RAB28: variants seen among roughly 807,000 people sequenced by gnomAD.
RAB28 encodes the protein RAB28, member RAS oncogene family, also known as ras-related protein Rab-28.
In RAB28, 24 loss-of-function variants were observed where a neutral mutation model predicts 31.7. That is an observed-to-expected ratio of 0.76 (90% CI 0.55 to 1.06). RAB28 has a LOEUF of 1.06. Ranked by LOEUF, RAB28 falls within the 50% of genes least tolerant of loss-of-function variation. The pLI is 0.00. For missense variants in RAB28, 254 were observed against 258.5 expected (o/e 0.98, Z 0.12); for synonymous variants, 100 against 90.4 (o/e 1.11, Z -0.60).
At chr4:13,460,565 A>G in intron 4 of RAB28, 134 bp downstream of exon 4, 3 of 1,135,050 alleles carry the variant, frequency 2.6e-6, no homozygotes, top group Non-Finnish European at 3.8e-6. Context: ...ACCTCCCAAA[A>G]CCCCACCTCC....
At chr4:13,412,557 A>C (rs1030640797) in intron 4 of RAB28, among the ~76,000 whole-genome samples, 2 of 152,168 alleles carry the variant, frequency 1.3e-5, no homozygotes. Context: ...AGGAGAGAGA[A>C]GTAGGGAAGA....
chr4:13,436,910 A>C (rs903329752), intron 4 of RAB28, among the ~76,000 whole-genome samples: 1 of 152,164 alleles, frequency 6.6e-6, no homozygotes, highest in African/African-American at 2.4e-5. Context: ...AGCCAAAGTA[A>C]TCATAAGCAA....
chr4:13,484,296 G>A lies in RAB28; in HGVS notation c.-146C>T. The A allele has an allele frequency of 4.6e-6, 3 of 649,394 alleles. No homozygotes were observed. Among genetic ancestry groups the A allele is most frequent in the Admixed American group, 4.7e-5 (2 of 42,880 alleles). 40.2% of individuals were successfully genotyped at this position (649,394 alleles called of 1,614,324 possible). ...CGCGCCGGCAGGAGGTATTCGAGGA[G>A]AATCACTCGGCAAGCGCCATCTTGC... On this transcript the variant is annotated 5_prime_UTR_variant, in exon 1 of 7. Transcript: ENST00000330852.
intron 4 of RAB28, among the ~76,000 whole-genome samples, chr4:13,420,469 G>A (rs1393068086): frequency 6.6e-6 from 1 of 152,088 alleles, no homozygotes; most frequent in Non-Finnish European, 1.5e-5. Flanking sequence ...GACAATTTTA[G>A]ACCAATATCC....
At chr4:13,462,078 A>G (rs1452042756) in intron 3 of RAB28, among the ~76,000 whole-genome samples, 1 of 152,230 alleles carries the variant, frequency 6.6e-6, no homozygotes, top group Non-Finnish European at 1.5e-5. Flanking sequence ...CTACGGATTT[A>G]AGTTCCAAAC....
chr4:13,370,737 C>T, intron 6 of RAB28: 1 of 984,836 alleles, frequency 1.0e-6, no homozygotes, highest in Non-Finnish European at 1.2e-6. Flanking sequence ...AAATTCCATA[C>T]AGAAACAAAC....
chr4:13,480,108 A>T (rs1716543766), intron 1 of RAB28, among the ~76,000 whole-genome samples: 1 of 151,792 alleles, frequency 6.6e-6, no homozygotes, highest in South Asian at 2.1e-4. Flanking sequence ...ACGTATTTTT[A>T]AGATTAATAT....
chr4:13,441,318 G>C (rs1714402850), intron 4 of RAB28, among the ~76,000 whole-genome samples: 1 of 152,070 alleles, frequency 6.6e-6, no homozygotes, highest in Non-Finnish European at 1.5e-5. Context: ...GCATCCTAAA[G>C]AATCACTCGA....
intron 6 of RAB28, chr4:13,369,934 G>C (rs372883609): frequency 1.2e-6 from 2 of 1,611,632 alleles, no homozygotes; most frequent in South Asian, 1.1e-5. Context: ...TTCTTCTTCC[G>C]GGTACTTCAC....
At chr4:13,444,104 T>C (rs1714567486) in intron 4 of RAB28, among the ~76,000 whole-genome samples, 1 of 151,508 alleles carries the variant, frequency 6.6e-6, no homozygotes, top group African/African-American at 2.4e-5. Flanking sequence ...CTCGGCTCAC[T>C]GCAAGCTCCG....
At chr4:13,406,362 T>C (rs1712086175) in intron 4 of RAB28, among the ~76,000 whole-genome samples, 1 of 152,216 alleles carries the variant, frequency 6.6e-6, no homozygotes, top group Non-Finnish European at 1.5e-5. Flanking sequence ...TAGTATTCCA[T>C]GGTGTATATA....
chr4:13,414,298 T>C (rs755151627), intron 4 of RAB28, among the ~76,000 whole-genome samples: 3 of 152,198 alleles, frequency 2.0e-5, no homozygotes, highest in Admixed American at 6.5e-5. Flanking sequence ...CATTGTTTAA[T>C]TGAAGATCAG....
chr4:13,454,625 G>A (rs1252226762), intron 4 of RAB28, among the ~76,000 whole-genome samples: 1 of 151,482 alleles, frequency 6.6e-6, no homozygotes, highest in African/African-American at 2.4e-5. Context: ...TGAGTAGCTC[G>A]GTGGCCAAGG....
At chr4:13,442,618 T>C (rs1320033759) in intron 4 of RAB28, among the ~76,000 whole-genome samples, 1 of 151,956 alleles carries the variant, frequency 6.6e-6, no homozygotes, top group Non-Finnish European at 1.5e-5. Context: ...TATTTTTAAA[T>C]CTTTATATTA....
intron 4 of RAB28, among the ~76,000 whole-genome samples, chr4:13,430,730 C>T (rs1713764089): frequency 6.6e-6 from 1 of 152,100 alleles, no homozygotes; most frequent in Non-Finnish European, 1.5e-5. Flanking sequence ...CCAGATGCAC[C>T]ACAAATACAC....
intron 1 of RAB28, among the ~76,000 whole-genome samples, chr4:13,483,664 G>A (rs1216758113): frequency 2.6e-5 from 4 of 152,320 alleles, no homozygotes; most frequent in South Asian, 4.1e-4. Context: ...TGATTCCAGA[G>A]CTACGCTCCT....
intron 4 of RAB28, among the ~76,000 whole-genome samples, chr4:13,414,108 G>A (rs897282864): frequency 1.3e-4 from 20 of 152,116 alleles, no homozygotes; most frequent in Non-Finnish European, 2.4e-4. Flanking sequence ...AGCCACGCAC[G>A]AGTCTCTGCA....
intron 4 of RAB28, among the ~76,000 whole-genome samples, chr4:13,443,425 G>A (rs1714524071): frequency 6.6e-6 from 1 of 152,166 alleles, no homozygotes; most frequent in Non-Finnish European, 1.5e-5. Context: ...GCCTGCCTCA[G>A]CCTCCCAGAG....
intron 5 of RAB28, among the ~76,000 whole-genome samples, chr4:13,378,217 G>C (rs1728997088): frequency 6.6e-6 from 1 of 152,184 alleles, no homozygotes; most frequent in Non-Finnish European, 1.5e-5. Flanking sequence ...AGAGTAGTTA[G>C]TGAAGCAGGA....
Sources: allele counts gnomAD v4.1 joint callset (sites outside exome capture counted in the v4.1 genomes callset), GRCh38; gene constraint gnomAD v4.1.1; transcripts MANE v1.5; gene names NCBI Gene and HGNC (gene_info 2026-07-23, HGNC 2026-07-21).